Variants in CHSY3 observed in about 807,000 individuals in gnomAD.
CHSY3 encodes N-acetylgalactosaminyl-proteoglycan 3-beta-glucuronosyltransferase 3.
A neutral mutation model predicts 67.2 loss-of-function variants in CHSY3; 35 were observed. That is an observed-to-expected ratio of 0.52 (90% CI 0.40 to 0.69). The LOEUF is 0.69. Ranked by LOEUF, CHSY3 falls within the 30% of genes least tolerant of loss-of-function variation. The probability of loss-of-function intolerance (pLI) is 0.00; values close to 1 mark genes in which losing one functional copy is unlikely to be tolerated. For synonymous variants in CHSY3, 474 were observed against 434.7 expected, an observed-to-expected ratio of 1.09 and a Z score of -1.12; for missense variants, 1,069 against 1,138.5, an observed-to-expected ratio of 0.94 and a Z score of 0.88.
chr5:130,154,145 G>A (rs1482845365), intron 2 of CHSY3, among the ~76,000 whole-genome samples: 1 of 152,082 alleles, frequency 6.6e-6, no homozygotes, highest in Non-Finnish European at 1.5e-5. Flanking sequence ...TTGAACTCCT[G>A]ACCTCAGGTG....
At chr5:130,067,707 G>A (rs1765928787) in intron 2 of CHSY3, among the ~76,000 whole-genome samples, 1 of 152,078 alleles carries the variant, frequency 6.6e-6, no homozygotes, top group Admixed American at 6.6e-5. Context: ...GAACAAGAAG[G>A]TGAAAGGAAT....
intron 2 of CHSY3, among the ~76,000 whole-genome samples, chr5:129,996,164 G>A (rs1024130155): frequency 6.6e-6 from 1 of 152,072 alleles, no homozygotes; most frequent in South Asian, 2.1e-4. Flanking sequence ...AAATTATTTT[G>A]TGTCTGGGAA....
At chr5:130,064,867 G>T (rs919043042) in intron 2 of CHSY3, among the ~76,000 whole-genome samples, 1 of 152,176 alleles carries the variant, frequency 6.6e-6, no homozygotes, top group Non-Finnish European at 1.5e-5. Flanking sequence ...AGCTGCCTTT[G>T]TATTAGATTT....
intron 2 of CHSY3, among the ~76,000 whole-genome samples, chr5:130,034,485 C>T (rs142122582): frequency 1.4e-3 from 218 of 152,200 alleles, no homozygotes; most frequent in African/African-American, 4.9e-3. Context: ...TCATCGTTGA[C>T]ATTTAATTGG....
intron 2 of CHSY3, chr5:130,114,263 T>C (rs981498327): frequency 2.0e-5 from 3 of 152,146 alleles, no homozygotes; most frequent in Admixed American, 1.3e-4. Context: ...AAAGTTCATG[T>C]GATGGTGGTT....
intron 2 of CHSY3, among the ~76,000 whole-genome samples, chr5:129,912,335 A>T (rs953367179): frequency 6.6e-6 from 1 of 152,158 alleles, no homozygotes; most frequent in African/African-American, 2.4e-5. Flanking sequence ...TTTCTCTGGC[A>T]TCTTCAGTAG....
intron 2 of CHSY3, among the ~76,000 whole-genome samples, chr5:130,136,590 T>C (rs1480831952): frequency 6.6e-6 from 1 of 151,932 alleles, no homozygotes; most frequent in African/African-American, 2.4e-5. Context: ...GGAAAGAAAA[T>C]AATAGTTTAA....
chr5:130,089,344 C>G (rs1766793615), intron 2 of CHSY3, among the ~76,000 whole-genome samples: 1 of 151,168 alleles, frequency 6.6e-6, no homozygotes, highest in South Asian at 2.1e-4. Flanking sequence ...GCACATTGTG[C>G]ACATGTACCC....
intron 2 of CHSY3, among the ~76,000 whole-genome samples, chr5:130,004,207 A>G (rs1315663001): frequency 1.3e-5 from 2 of 152,184 alleles, no homozygotes; most frequent in East Asian, 3.8e-4. Flanking sequence ...TTGTTTTTGT[A>G]TCTTCCATAT....
In CHSY3 at chr5:130,123,743, G is replaced by A. The variant is rs147108215; in HGVS notation, c.1087-60486G>A. On this transcript the variant is annotated intron_variant, in intron 2 of 2. Transcript: ENST00000305031. ...AAAAAAGAAAAAAGAGACAGAGACA[G>A]TGATGACAAAATATAAAGAAGTAAA... Among the ~76,000 whole-genome samples, 285 of 152,236 alleles carry A rather than the reference G, an allele frequency of 1.9e-3. 2 individuals are homozygous for A. Among genetic ancestry groups the A allele is most frequent in the Middle Eastern group, 0.01 (3 of 294 alleles).
chr5:130,065,049 G>A (rs1435327174), intron 2 of CHSY3, among the ~76,000 whole-genome samples: 1 of 152,072 alleles, frequency 6.6e-6, no homozygotes, highest in Admixed American at 6.6e-5. Flanking sequence ...AATAGAACTT[G>A]GTTTCTGTAA....
chr5:130,067,209 A>G (rs1229863574), intron 2 of CHSY3, among the ~76,000 whole-genome samples: 1 of 152,046 alleles, frequency 6.6e-6, no homozygotes, highest in African/African-American at 2.4e-5. Flanking sequence ...CTCTAATTCC[A>G]CTGACCAAAT....
chr5:129,947,332 A>C (rs1456771153), intron 2 of CHSY3, among the ~76,000 whole-genome samples: 2 of 152,062 alleles, frequency 1.3e-5, no homozygotes, highest in Non-Finnish European at 2.9e-5. Context: ...ACAATTCAAG[A>C]CGAGATTTGA....
At chr5:130,083,108 T>A (rs998098437) in intron 2 of CHSY3, among the ~76,000 whole-genome samples, 1 of 151,986 alleles carries the variant, frequency 6.6e-6, no homozygotes, top group African/African-American at 2.4e-5. Context: ...TGTTGTAATT[T>A]CCCATTGAAT....
intron 2 of CHSY3, among the ~76,000 whole-genome samples, chr5:129,948,186 TA>T (rs1244972134): frequency 1.3e-5 from 2 of 152,210 alleles, no homozygotes; most frequent in African/African-American, 4.8e-5. Flanking sequence ...TATTTTTATT[TA>T]TTTTTTTATT....
rs1770420230 is a variant in CHSY3, at chr5:130,186,306, T to A, written c.*515T>A. 6.6e-6 allele frequency: 1 copy of A among 152,582 alleles called. No individual in the cohort carries two copies. Among genetic ancestry groups the A allele is most frequent in the South Asian group, 2.1e-4 (1 of 4,828 alleles). The allele number at this position is 152,582 out of a possible 1,614,324, so 9.5% of individuals were successfully genotyped here. Reference sequence around the variant, plus strand: ...AATATATAAACAATAATTTTCTTCATCTTTAGAATTTTTAAAGTAAATGAA... The same window carrying A: ...AATATATAAACAATAATTTTCTTCAACTTTAGAATTTTTAAAGTAAATGAA... On this transcript the variant is annotated 3_prime_UTR_variant, in exon 3 of 3. Coordinates refer to ENST00000305031, the MANE Select transcript of CHSY3 (RefSeq NM_175856.5).
intron 2 of CHSY3, among the ~76,000 whole-genome samples, chr5:130,038,296 A>G (rs986409062): frequency 6.6e-6 from 1 of 152,116 alleles, no homozygotes; most frequent in Non-Finnish European, 1.5e-5. Context: ...ATGTTTCTCT[A>G]TTTGAAAAGT....
At chr5:129,996,894 A>T (rs994952072) in intron 2 of CHSY3, among the ~76,000 whole-genome samples, 1 of 152,172 alleles carries the variant, frequency 6.6e-6, no homozygotes, top group Non-Finnish European at 1.5e-5. Flanking sequence ...AAAAGAAGAT[A>T]TATTATTTCA....
At chr5:129,986,901 C>T (rs1763221181) in intron 2 of CHSY3, among the ~76,000 whole-genome samples, 1 of 152,126 alleles carries the variant, frequency 6.6e-6, no homozygotes, top group Non-Finnish European at 1.5e-5. Context: ...CCCTGGCCTC[C>T]CAAAGTACTG....
Sources: gnomAD v4.1 joint callset for allele counts (sites outside exome capture counted in the v4.1 genomes callset) on GRCh38, gnomAD v4.1.1 for gene constraint, MANE v1.5 for transcripts, NCBI Gene and HGNC (gene_info 2026-07-23, HGNC 2026-07-21) for gene names.